CTNNA2: variants seen among roughly 807,000 people sequenced by gnomAD.
CTNNA2 encodes catenin alpha 2, also known as catenin alpha-2.
Under a neutral mutation model 101.0 loss-of-function variants are expected in CTNNA2, and 42 were observed. The observed-to-expected ratio is 0.42, with a 90% CI of 0.32 to 0.54. The LOEUF (loss-of-function observed/expected upper bound fraction) is 0.54, where lower values mean the gene tolerates loss of function less well. Among genes scored for constraint, CTNNA2 ranks in the 20% least tolerant of loss-of-function variants. The pLI is 0.14. For missense variants in CTNNA2, 871 were observed against 1,223.1 expected (o/e 0.71, Z 4.29); for synonymous variants, 450 against 456.4 (o/e 0.99, Z 0.18).
At chr2:80,535,112 C>T (rs867923234) in intron 9 of CTNNA2, among the ~76,000 whole-genome samples, 4 of 152,252 alleles carry the variant, frequency 2.6e-5, no homozygotes, top group South Asian at 4.1e-4. Context: ...GGGTAAACTA[C>T]GCAAGTGATC....
chr2:80,643,864 C>G (rs1673753177), intron 18 of CTNNA2, among the ~76,000 whole-genome samples: 1 of 152,130 alleles, frequency 6.6e-6, no homozygotes, highest in Non-Finnish European at 1.5e-5. Flanking sequence ...AGCAACATAC[C>G]TGAGGCCAGA....
intron 2 of CTNNA2, among the ~76,000 whole-genome samples, chr2:79,662,496 G>T (rs903497329): frequency 2.0e-5 from 3 of 152,094 alleles, no homozygotes; most frequent in Non-Finnish European, 2.9e-5. Context: ...GGGGCGGTTA[G>T]CTAACAAAAT....
intron 3 of CTNNA2, among the ~76,000 whole-genome samples, chr2:79,775,078 A>G (rs2105166381): frequency 6.6e-6 from 1 of 152,332 alleles, no homozygotes; most frequent in East Asian, 1.9e-4. Context: ...AAGAAAGACT[A>G]AACAATAACA....
chr2:79,789,560 C>T (rs544721954), intron 3 of CTNNA2, among the ~76,000 whole-genome samples: 1 of 152,134 alleles, frequency 6.6e-6, no homozygotes, highest in African/African-American at 2.4e-5. Context: ...CCCTTGGGGA[C>T]TGGGGAGAGG....
rs760156021 is a variant in CTNNA2, at chr2:80,302,537, A to G, written c.1057-90674A>G. 1 of 1,611,262 alleles carries G rather than the reference A, an allele frequency of 6.2e-7. No individual in the cohort carries two copies. Among genetic ancestry groups the G allele is most frequent in the Non-Finnish European group, 8.5e-7 (1 of 1,179,934 alleles). On this transcript the variant is annotated intron_variant, in intron 7 of 18. Transcript: ENST00000402739. This position sits in a 1 kb window ranked among gnomAD's most constrained non-coding sequence, Gnocchi z 6.4. ...GATGAGGGCCATGGTGCCCGTGACC[A>G]CCTTGTGGATCTGCACGGCGTTCTC...
intron 2 of CTNNA2, among the ~76,000 whole-genome samples, chr2:79,228,133 C>A (rs1203701587): frequency 6.6e-6 from 1 of 152,110 alleles, no homozygotes; most frequent in Non-Finnish European, 1.5e-5. Flanking sequence ...GTACCAAGTA[C>A]CACATTTTAT....
intron 3 of CTNNA2, among the ~76,000 whole-genome samples, chr2:79,857,002 G>A (rs1044976126): frequency 6.6e-6 from 1 of 152,134 alleles, no homozygotes; most frequent in African/African-American, 2.4e-5. Context: ...CCTGCTGAGG[G>A]TAAAATCCAA....
At chr2:79,260,889 G>C (rs113628546) in intron 2 of CTNNA2, among the ~76,000 whole-genome samples, 1 of 152,162 alleles carries the variant, frequency 6.6e-6, no homozygotes, top group Non-Finnish European at 1.5e-5. Flanking sequence ...AAATTATAAT[G>C]GTAGATATTT....
chr2:79,304,261 T>C (rs1676180950), intron 2 of CTNNA2, among the ~76,000 whole-genome samples: 1 of 152,170 alleles, frequency 6.6e-6, no homozygotes, highest in Non-Finnish European at 1.5e-5. Flanking sequence ...TGAAAATGGA[T>C]GCCAAGGCAA....
At chr2:79,646,155 A>G (rs1680797561) in intron 1 of CTNNA2, among the ~76,000 whole-genome samples, 1 of 152,224 alleles carries the variant, frequency 6.6e-6, no homozygotes, top group Non-Finnish European at 1.5e-5. Context: ...AGAGAATTCC[A>G]AAGACATTTT....
intron 4 of CTNNA2, among the ~76,000 whole-genome samples, chr2:79,859,163 C>G (rs900070200): frequency 6.6e-6 from 1 of 151,986 alleles, no homozygotes; most frequent in Non-Finnish European, 1.5e-5. Context: ...TTTGGAGAAC[C>G]AACCAATTGC....
At chr2:79,593,889 T>G (rs866851813) in intron 1 of CTNNA2, among the ~76,000 whole-genome samples, 2,465 of 122,356 alleles carry the variant, frequency 0.02, 80 homozygotes, top group African/African-American at 0.071. Context: ...AGTTTTTTTT[T>G]TTTTTTTTTT....
chr2:80,635,018 T>C (rs1357033484), intron 18 of CTNNA2, among the ~76,000 whole-genome samples: 5 of 152,268 alleles, frequency 3.3e-5, no homozygotes, highest in African/African-American at 1.2e-4. Flanking sequence ...GCTTAGATCA[T>C]TCTCTTCATG....
At position 79,517,248 on chromosome 2, in the gene CTNNA2, G is replaced by T. The variant is rs1390496737; in HGVS notation, c.-6+4041G>T. On this transcript the variant is annotated intron_variant, in intron 1 of 18. Coordinates refer to ENST00000402739, the MANE Select transcript of CTNNA2 (RefSeq NM_001282597.3). Reference sequence around the variant, plus strand: ...TCCAACAGCATAAGTGATATGAATTGAATTCTTTTATTCAAAAATGGATTT... The same window carrying T: ...TCCAACAGCATAAGTGATATGAATTTAATTCTTTTATTCAAAAATGGATTT... Among the ~76,000 whole-genome samples, 9 of 152,230 alleles carry T rather than the reference G, an allele frequency of 5.9e-5. No individual in the cohort carries two copies. In the East Asian group the frequency reaches 1.7e-3, roughly 29 times the overall value.
chr2:80,111,755 T>C (rs1701223219), intron 7 of CTNNA2, among the ~76,000 whole-genome samples: 1 of 152,180 alleles, frequency 6.6e-6, no homozygotes, highest in Non-Finnish European at 1.5e-5. Context: ...TTGCCCAGAC[T>C]GATCTCAAGC....
Position 80,600,109 on chromosome 2 carries a change from G to A in CTNNA2, c.2190-3965G>A, listed in dbSNP as rs998683716. On this transcript the variant is annotated intron_variant, in intron 15 of 18. Coordinates refer to ENST00000402739, the MANE Select transcript of CTNNA2 (RefSeq NM_001282597.3). ...ATAAAATTTAAAAATAAAATTGTTC[G>A]GGAAAGGATTAACTTTTCAATGTAT... is the stretch of plus-strand genomic sequence containing the variant. Among the ~76,000 whole-genome samples, 5 of 151,842 alleles carry A rather than the reference G, an allele frequency of 3.3e-5. No individual in the cohort carries two copies. In the East Asian group the frequency reaches 5.8e-4, roughly 18 times the overall value.
At chr2:79,848,239 A>G (rs1156976000) in intron 3 of CTNNA2, among the ~76,000 whole-genome samples, 2 of 152,228 alleles carry the variant, frequency 1.3e-5, no homozygotes, top group Non-Finnish European at 2.9e-5. Context: ...TATGTGTTGC[A>G]CAATGAAATT....
chr2:79,995,264 T>G (rs1242978765), intron 7 of CTNNA2, among the ~76,000 whole-genome samples: 1 of 152,186 alleles, frequency 6.6e-6, no homozygotes, highest in Non-Finnish European at 1.5e-5. Context: ...TTAATGTTAA[T>G]AAATCCATAA....
chr2:80,304,050 CAA>C (rs1015276553), intron 7 of CTNNA2: 16 of 436,106 alleles, frequency 3.7e-5, no homozygotes, highest in Non-Finnish European at 6.4e-5. Flanking sequence ...ACGGAAAGAT[CAA>C]AGAGATGGTG....
Sources: gnomAD v4.1 joint callset for allele counts (sites outside exome capture counted in the v4.1 genomes callset) on GRCh38, gnomAD v4.1.1 for gene constraint, Gnocchi (gnomAD v3.1) non-coding constraint, MANE v1.5 for transcripts, NCBI Gene and HGNC (gene_info 2026-07-23, HGNC 2026-07-21) for gene names.